ADGRB3: variants seen among roughly 807,000 people sequenced by gnomAD.
The protein encoded by ADGRB3 is brain-specific angiogenesis inhibitor 3.
Under a neutral mutation model 193.4 loss-of-function variants are expected in ADGRB3, and 37 were observed. That is an observed-to-expected ratio of 0.19 (90% CI 0.15 to 0.25). The LOEUF (loss-of-function observed/expected upper bound fraction) is 0.25. Ranked by LOEUF, ADGRB3 falls within the 10% of genes least tolerant of loss-of-function variation. ADGRB3 has a pLI of 1.00. For missense variants in ADGRB3, 1,637 were observed against 1,852.9 expected (o/e 0.88, Z 2.14); for synonymous variants, 690 against 644.2 (o/e 1.07, Z -1.08).
intron 29 of ADGRB3, among the ~76,000 whole-genome samples, chr6:69,364,903 T>A (rs900102122): frequency 1.3e-5 from 2 of 152,110 alleles, no homozygotes; most frequent in African/African-American, 4.8e-5. Context: ...AAAAGAGATA[T>A]CATGGTTCTC....
chr6:69,001,106 T>A (rs1028563845), intron 11 of ADGRB3, among the ~76,000 whole-genome samples: 1 of 152,202 alleles, frequency 6.6e-6, no homozygotes, highest in Non-Finnish European at 1.5e-5. Flanking sequence ...GTTCCACTTC[T>A]ATGAATTTTC....
Position 68,891,280 on chromosome 6 carries a change from C to T in ADGRB3, c.758-39279C>T, listed in dbSNP as rs9942434. 8.9e-3 allele frequency among the ~76,000 whole-genome samples: 1,359 copies of T among 152,106 alleles called. 13 individuals are homozygous for T. The highest frequency in any genetic ancestry group is 0.021 in the African/African-American group (878 of 41,486). ...CAACACGTGGGAATTATGGGAGCTA[C>T]GAGATGAGGTTTGGGTGGGGACACA... is the stretch of plus-strand genomic sequence containing the variant. On this transcript the variant is annotated intron_variant, in intron 3 of 31. Transcript: ENST00000370598.
chr6:69,280,624 A>G (rs2127285335), intron 20 of ADGRB3, among the ~76,000 whole-genome samples: 1 of 152,336 alleles, frequency 6.6e-6, no homozygotes, highest in Non-Finnish European at 1.5e-5. Flanking sequence ...CTTAGAAGAA[A>G]GCCTGATACA....
chr6:69,140,135 A>G (rs1338353205), intron 17 of ADGRB3, among the ~76,000 whole-genome samples: 1 of 152,208 alleles, frequency 6.6e-6, no homozygotes, highest in East Asian at 1.9e-4. Context: ...GAAAACTTGG[A>G]AAAATTCTAA....
At chr6:68,795,239 G>A (rs1767183562) in intron 3 of ADGRB3, among the ~76,000 whole-genome samples, 2 of 151,554 alleles carry the variant, frequency 1.3e-5, no homozygotes, top group African/African-American at 4.8e-5. Context: ...CAAATCTTCA[G>A]TCTTGTAATT....
At chr6:69,182,678 A>C in intron 17 of ADGRB3, among the ~76,000 whole-genome samples, 1 of 152,140 alleles carries the variant, frequency 6.6e-6, no homozygotes, top group East Asian at 1.9e-4. Flanking sequence ...CTTAAAATTG[A>C]AAACACCTAT....
intron 17 of ADGRB3, among the ~76,000 whole-genome samples, chr6:69,185,908 T>G (rs1429607263): frequency 6.6e-6 from 1 of 152,126 alleles, no homozygotes; most frequent in South Asian, 2.1e-4. Flanking sequence ...TTAAGTCTTT[T>G]TTTAGTAGTA....
chr6:69,205,764 C>G (rs1765524106), intron 17 of ADGRB3, among the ~76,000 whole-genome samples: 1 of 151,734 alleles, frequency 6.6e-6, no homozygotes, highest in Non-Finnish European at 1.5e-5. Flanking sequence ...AGGGCAGAAC[C>G]CTCATGACTG....
intron 8 of ADGRB3, among the ~76,000 whole-genome samples, chr6:68,962,217 G>A (rs1238561888): frequency 6.6e-6 from 1 of 152,164 alleles, no homozygotes; most frequent in Non-Finnish European, 1.5e-5. Flanking sequence ...ACCACCTGTT[G>A]CTTTTAATAA....
Position 68,675,283 on chromosome 6 carries a change from A to C in ADGRB3, c.757+35851A>C, listed in dbSNP as rs528491937. ...ACAGAGAAGAGAAAACAAAGGAAAT[A>C]TGTGATAAGTTGATAAATTACTGCT... On this transcript the variant is annotated intron_variant, in intron 3 of 31. Coordinates refer to ENST00000370598, the MANE Select transcript of ADGRB3 (RefSeq NM_001704.3). Among the ~76,000 whole-genome samples, 438 of 152,320 alleles carry C rather than the reference A, an allele frequency of 2.9e-3. 1 individual carries two copies. Among genetic ancestry groups the C allele is most frequent in the African/African-American group, 0.01 (425 of 41,566 alleles).
At chr6:69,295,892 A>G (rs944495624) in intron 20 of ADGRB3, among the ~76,000 whole-genome samples, 17 of 152,176 alleles carry the variant, frequency 1.1e-4, no homozygotes, top group Admixed American at 8.5e-4. Context: ...CCAAATGTTG[A>G]CATTGCCTTC....
At chr6:69,203,635 T>C (rs565561411) in intron 17 of ADGRB3, among the ~76,000 whole-genome samples, 1 of 152,244 alleles carries the variant, frequency 6.6e-6, no homozygotes, top group Non-Finnish European at 1.5e-5. Context: ...CCCTGCCCTT[T>C]TCTGCAGCCA....
chr6:69,363,253 A>G (rs1163764164), intron 29 of ADGRB3, among the ~76,000 whole-genome samples: 2 of 152,040 alleles, frequency 1.3e-5, no homozygotes, highest in East Asian at 1.9e-4. Flanking sequence ...CACAAGACTT[A>G]CATCTTGAAA....
chr6:69,144,133 G>A (rs1393516470), intron 17 of ADGRB3, among the ~76,000 whole-genome samples: 1 of 151,842 alleles, frequency 6.6e-6, no homozygotes, highest in East Asian at 1.9e-4. Flanking sequence ...AATTTTATTT[G>A]TAGCTACTGT....
chr6:69,095,539 A>G (rs929402887), intron 17 of ADGRB3, among the ~76,000 whole-genome samples: 1 of 152,224 alleles, frequency 6.6e-6, no homozygotes, highest in African/African-American at 2.4e-5. Context: ...TGGTTAGCAA[A>G]TGATATTAAA....
chr6:68,721,257 A>AT (rs1765571496), intron 3 of ADGRB3, among the ~76,000 whole-genome samples: 1 of 151,918 alleles, frequency 6.6e-6, no homozygotes, highest in Non-Finnish European at 1.5e-5. Context: ...CTGGATTAAG[A>AT]AAATGTGGCA....
At chr6:69,087,325 T>C (rs1562153497) in intron 17 of ADGRB3, among the ~76,000 whole-genome samples, 1 of 152,180 alleles carries the variant, frequency 6.6e-6, no homozygotes, top group Non-Finnish European at 1.5e-5. Flanking sequence ...GAATATCTGA[T>C]AATCCAAACA....
At chr6:69,303,041 G>A (rs1767980871) in intron 20 of ADGRB3, among the ~76,000 whole-genome samples, 2 of 151,926 alleles carry the variant, frequency 1.3e-5, no homozygotes, top group Non-Finnish European at 2.9e-5. Flanking sequence ...CAGACAATGA[G>A]GAAGAGGACG....
chr6:69,148,388 CA>C (rs1206904480), intron 17 of ADGRB3, among the ~76,000 whole-genome samples: 1 of 152,048 alleles, frequency 6.6e-6, no homozygotes, highest in African/African-American at 2.4e-5. Context: ...ACTGCATAAA[CA>C]TACAAACTAA....
Sources: allele counts gnomAD v4.1 joint callset (sites outside exome capture counted in the v4.1 genomes callset), GRCh38; gene constraint gnomAD v4.1.1; transcripts MANE v1.5; gene names NCBI Gene and HGNC (gene_info 2026-07-23, HGNC 2026-07-21).